The following WDR75 variants were observed in gnomAD, a reference collection of about 807,000 sequenced individuals.
WDR75 encodes the protein WD repeat-containing protein 75.
Under a neutral mutation model 106.1 loss-of-function variants are expected in WDR75, and 52 were observed. The ratio of observed to expected loss-of-function variants is 0.49; its 90% CI spans 0.39 to 0.62. The LOEUF (loss-of-function observed/expected upper bound fraction) is 0.62. WDR75 is among the 20% of genes least tolerant of loss of function. The pLI, the probability that WDR75 is intolerant of heterozygous loss-of-function variation, is 0.00. For synonymous variants in WDR75, 333 were observed against 335.5 expected (o/e 0.99, Z 0.08); for missense variants, 905 against 970.3 (o/e 0.93, Z 0.89).
chr2:189,449,509 T>A lies in WDR75; in HGVS notation c.216+1001T>A, dbSNP rs2106113063. 7.2e-6 allele frequency: 8 copies of A among 1,114,648 alleles called. No homozygotes were observed. The South Asian group carries it at 1.5e-4, about 21-fold the overall frequency. 69.0% of individuals were successfully genotyped at this position (1,114,648 alleles called of 1,614,324 possible). On this transcript the variant is annotated intron_variant, in intron 2 of 20. Coordinates refer to ENST00000314761, the MANE Select transcript of WDR75 (RefSeq NM_032168.3). The stretch of plus-strand genomic sequence containing the variant: ...CTATTATTTTGTTAAAATTGAAATT[T>A]GTGAAGTCCATATACTAAGTTTTAT...
At chr2:189,445,274 TG>T (rs1454291245) in intron 1 of WDR75, among the ~76,000 whole-genome samples, 1 of 152,230 alleles carries the variant, frequency 6.6e-6, no homozygotes, top group Non-Finnish European at 1.5e-5. Context: ...CATTTGTGTT[TG>T]ACTTATTATT....
At chr2:189,442,439 A>ATTTT (rs1553484498) in intron 1 of WDR75, among the ~76,000 whole-genome samples, 2 of 56,902 alleles carry the variant, frequency 3.5e-5, no homozygotes, top group African/African-American at 1.0e-4. Flanking sequence ...CCTCCACAAT[A>ATTTT]TTCTTTTTTT....
rs760133114 is a variant in WDR75, at chr2:189,475,340, C to T, written c.2416C>T (p.His806Tyr). 2 of 1,612,194 alleles carry T rather than the reference C, an allele frequency of 1.2e-6. No individual in the cohort carries two copies. The highest frequency in any genetic ancestry group is 1.7e-4 in the Middle Eastern group (1 of 6,014). The change falls in exon 21 of 21, where the codon CAT (histidine) becomes TAT (tyrosine). Residue 806 changes from histidine (H) to tyrosine (Y), a missense_variant. By Grantham distance (83) the His-to-Tyr change is moderately conservative. Coordinates refer to ENST00000314761, the MANE Select transcript of WDR75 (RefSeq NM_032168.3). The stretch of plus-strand genomic sequence containing the variant: ...CACAGGTTTAGGAGAAGACATTATA[C>T]ATCAGTTGTCAAAATCTGAAGAAAA... ...SNTGLGEDIIHQLSKSEEKEL... is the reference protein window; with the variant it reads ...SNTGLGEDIIYQLSKSEEKEL...
Position 189,459,429 on chromosome 2 carries a change from G to GTGC in WDR75, c.778+6_778+8dup. On this transcript the variant is annotated splice_donor_region_variant and intron_variant, in intron 8 of 20. Coordinates refer to ENST00000314761, the MANE Select transcript of WDR75 (RefSeq NM_032168.3). Reference sequence around the variant, plus strand: ...ATTTGGCTTTTTCAGTGACAGGTAAGTGCGGGTTTAATTATTAAAATGAAC... The same window carrying GTGC: ...ATTTGGCTTTTTCAGTGACAGGTAAGTGCTGCGGGTTTAATTATTAAAATGAAC... 1.2e-6 allele frequency: 2 copies of GTGC among 1,607,778 alleles called. No homozygotes were observed. The highest frequency in any genetic ancestry group is 1.7e-6 in the Non-Finnish European group (2 of 1,176,672).
rs1449563670 is a variant in WDR75 at position 189,466,555 on chromosome 2, A to C, written c.1420A>C (p.Ile474Leu). ...ASKDGYFKVW[I>L]LTDDSDIYKK... ...CAAAGATGGTTACTTCAAAGTATGGATATTAACAGATGACTCTGACATATA... is the reference window on the plus strand; with the variant it reads ...CAAAGATGGTTACTTCAAAGTATGGCTATTAACAGATGACTCTGACATATA... The change falls in exon 13 of 21, where the codon ATA becomes CTA. Residue 474 changes from isoleucine to leucine, a missense_variant. Physicochemically the swap from Ile to Leu is conservative, Grantham distance 5. Coordinates refer to ENST00000314761, the MANE Select transcript of WDR75 (RefSeq NM_032168.3). 6.2e-7 allele frequency: 1 copy of C among 1,612,888 alleles called. No homozygotes were observed. Among genetic ancestry groups the C allele is most frequent in the Non-Finnish European group, 8.5e-7 (1 of 1,179,236 alleles).
chr2:189,465,112 T>A lies in WDR75; in HGVS notation c.1147T>A (p.Tyr383Asn). 6.2e-7 allele frequency: 1 copy of A among 1,611,116 alleles called. No homozygotes were observed. The highest frequency in any genetic ancestry group is 8.5e-7 in the Non-Finnish European group (1 of 1,178,444). ...TATACAGCAAGAATATATTAATGAT[T>A]ATGGTCTGATCCAAATTGAACTAAC... ...DIIQQEYINDYGLIQIELTKA... is the reference protein window; with the variant it reads ...DIIQQEYINDNGLIQIELTKA... Residue 383 changes from tyrosine (Y) to asparagine (N), a missense_variant, in exon 12 of 21, where the codon TAT becomes AAT. Transcript: ENST00000314761.
chr2:189,455,231 A>T (rs753492751), intron 4 of WDR75, 89 bp from the exon 5 acceptor site: 1 of 1,432,744 alleles, frequency 7.0e-7, no homozygotes. Context: ...ACAGAGCAAG[A>T]CTTTGCCTCA....
At position 189,458,800 on chromosome 2, in the gene WDR75, T is replaced by A; in HGVS notation, c.617T>A (p.Phe206Tyr). The A allele has an allele frequency of 6.2e-7, 1 of 1,607,182 alleles. No individual in the cohort carries two copies. Among genetic ancestry groups the A allele is most frequent in the Admixed American group, 1.7e-5 (1 of 58,978 alleles). ...SRNKKHAKNN[F>Y]TCVACHPTED... is the part of the protein sequence containing the mutation. ...AATAAGAAGCATGCTAAAAACAATT[T>A]TACATGTGTAGCATGTCACCCAACG... The change falls in exon 7 of 21, where the codon TTT (phenylalanine) becomes TAT (tyrosine). Residue 206 changes from phenylalanine to tyrosine, a missense_variant. Transcript: ENST00000314761.
At chr2:189,474,879 T>C (rs1687182551) in intron 20 of WDR75, 71 bp downstream of exon 20, 4 of 1,239,462 alleles carry the variant, frequency 3.2e-6, no homozygotes, top group Non-Finnish European at 4.7e-6. Flanking sequence ...TTATCCTTTT[T>C]TAGAGTATTC....
chr2:189,453,962 T>C (rs991764213), intron 4 of WDR75, among the ~76,000 whole-genome samples: 5 of 152,254 alleles, frequency 3.3e-5, no homozygotes, highest in East Asian at 1.9e-4. Context: ...ATGTGTCATA[T>C]AGTCATTCAA....
chr2:189,443,631 G>A (rs1368089693), intron 1 of WDR75, among the ~76,000 whole-genome samples: 1 of 152,186 alleles, frequency 6.6e-6, no homozygotes, highest in Non-Finnish European at 1.5e-5. Flanking sequence ...TGATGGCATA[G>A]AAGAGGGAGT....
intron 18 of WDR75, among the ~76,000 whole-genome samples, chr2:189,471,099 A>G (rs1376051370): frequency 6.6e-6 from 1 of 152,144 alleles, no homozygotes; most frequent in African/African-American, 2.4e-5. Context: ...AAAGAGTCAA[A>G]TATTTTTACA....
chr2:189,463,937 C>G lies in WDR75; in HGVS notation c.1089C>G (p.Leu363=), dbSNP rs755082322. The G allele has an allele frequency of 1.2e-6, 2 of 1,613,502 alleles. No individual in the cohort carries two copies. Among genetic ancestry groups the G allele is most frequent in the Admixed American group, 1.7e-5 (1 of 59,984 alleles). The part of the protein sequence containing the change: ...GKPGHLQFYS[L]QSDKQLYNLD... ...CTGGCCACCTGCAGTTTTATTCTCTCCAGAGTGATAAACAGTTATACAATG... is the reference window on the plus strand; with the variant it reads ...CTGGCCACCTGCAGTTTTATTCTCTGCAGAGTGATAAACAGTTATACAATG... The change falls in exon 11 of 21, where the codon CTC becomes CTG. Residue 363 remains leucine (L), a synonymous_variant. Transcript: ENST00000314761.
intron 1 of WDR75, among the ~76,000 whole-genome samples, chr2:189,446,449 C>T (rs1018982439): frequency 2.0e-5 from 3 of 152,166 alleles, no homozygotes; most frequent in African/African-American, 7.2e-5. Context: ...GGTTATATAT[C>T]GCAAATGCTT....
Position 189,475,403 on chromosome 2 carries a change from A to G in WDR75, c.2479A>G (p.Ile827Val), listed in dbSNP as rs757430097. ...RKFRKIDYSW[I>V]AAL Reference sequence around the variant, plus strand: ...ATTTAGGAAAATAGACTACAGCTGGATAGCTGCCCTTTAAGCCTTGGAGAT... The same window carrying G: ...ATTTAGGAAAATAGACTACAGCTGGGTAGCTGCCCTTTAAGCCTTGGAGAT... The change falls in exon 21 of 21, where the codon ATA becomes GTA. Residue 827 changes from isoleucine to valine, a missense_variant. Transcript: ENST00000314761. 1 of 1,606,564 alleles carries G rather than the reference A, an allele frequency of 6.2e-7. No homozygotes were observed. The highest frequency in any genetic ancestry group is 2.2e-5 in the East Asian group (1 of 44,716).
chr2:189,457,429 T>G, intron 6 of WDR75, 48 bp downstream of exon 6: 1 of 1,230,964 alleles, frequency 8.1e-7, no homozygotes, highest in Non-Finnish European at 1.2e-6. Flanking sequence ...CAAGAGTTCT[T>G]TATAATTTTA....
At chr2:189,463,809 C>G (rs1686947564) in intron 10 of WDR75, 37 bp from the exon 11 acceptor site, 1 of 1,613,202 alleles carries the variant, frequency 6.2e-7, no homozygotes, top group Admixed American at 1.7e-5. Context: ...GTGCATATTT[C>G]TCTTATTTCA....
At chr2:189,462,055 C>G (rs77391322) in intron 8 of WDR75, among the ~76,000 whole-genome samples, 9,847 of 152,144 alleles carry the variant, frequency 0.065, 491 homozygotes, top group African/African-American at 0.14. Flanking sequence ...CTCATTCTTG[C>G]AGTAAACTGC....
intron 4 of WDR75, 83 bp downstream of exon 4, chr2:189,451,978 T>A: frequency 8.7e-7 from 1 of 1,147,924 alleles, no homozygotes; most frequent in Non-Finnish European, 1.3e-6. Flanking sequence ...ATTTTGGTTT[T>A]AATCTGAAGC....
Sources: allele counts gnomAD v4.1 joint callset (sites outside exome capture counted in the v4.1 genomes callset), GRCh38; gene constraint gnomAD v4.1.1; transcripts MANE v1.5; gene names NCBI Gene and HGNC (gene_info 2026-07-23, HGNC 2026-07-21).